The following UNK variants were observed in gnomAD, a reference collection of about 807,000 sequenced individuals.
UNK encodes unk zinc finger.
UNK carries 32 observed loss-of-function variants against 97.6 expected under a neutral mutation model. The ratio of observed to expected loss-of-function variants is 0.33; its 90% CI spans 0.25 to 0.44. UNK has a LOEUF of 0.44. UNK is among the 20% of genes least tolerant of loss of function. The pLI, the probability that UNK is intolerant of heterozygous loss-of-function variation, is 1.00. For synonymous variants in UNK, 441 were observed against 461.2 expected (o/e 0.96, Z 0.56); for missense variants, 771 against 1,098.4 (o/e 0.70, Z 4.21).
rs1255963739 is a variant in UNK, at chr17:75,812,598, A to C, written c.622+13A>C. 3 of 1,611,388 alleles carry C rather than the reference A, an allele frequency of 1.9e-6. No individual in the cohort carries two copies. The highest frequency in any genetic ancestry group is 8.5e-7 in the Non-Finnish European group (1 of 1,179,032). On this transcript the variant is annotated intron_variant, in intron 4 of 15. Transcript: ENST00000589666. Reference sequence around the variant, plus strand: ...CCTCGGTGGCAAGGTACAGGCATCCACACCTCGGCCGCGCCCTCCCTATAA... The same window carrying C: ...CCTCGGTGGCAAGGTACAGGCATCCCCACCTCGGCCGCGCCCTCCCTATAA...
chr17:75,812,659 A>G (rs1196707591), intron 4 of UNK, 74 bp downstream of exon 4: 3 of 1,550,324 alleles, frequency 1.9e-6, no homozygotes, highest in African/African-American at 2.7e-5. Context: ...TTGGCTCACC[A>G]CCACCTACTG....
intron 1 of UNK, among the ~76,000 whole-genome samples, chr17:75,790,402 A>G (rs757623817): frequency 6.6e-6 from 1 of 152,126 alleles, no homozygotes; most frequent in Non-Finnish European, 1.5e-5. Context: ...AAGCTGAGGC[A>G]GGAGGATCAC....
At position 75,824,093 on chromosome 17, in the gene UNK, G is replaced by A. The variant is rs2062095749; in HGVS notation, c.2278-169G>A. Among the ~76,000 whole-genome samples the A allele has an allele frequency of 6.6e-6, 1 of 152,020 alleles. No homozygotes were observed. Among genetic ancestry groups the A allele is most frequent in the Admixed American group, 6.5e-5 (1 of 15,278 alleles). ...CAGCCTGGCCATGCCCCATGCAGAGGTGGACTCAGCCTGCTCTCTCACCTG... is the reference window on the plus strand; with the variant it reads ...CAGCCTGGCCATGCCCCATGCAGAGATGGACTCAGCCTGCTCTCTCACCTG... On this transcript the variant is annotated intron_variant, in intron 15 of 15. Coordinates refer to ENST00000589666, the MANE Select transcript of UNK (RefSeq NM_001080419.3). This position sits in a 1 kb window ranked among gnomAD's most constrained non-coding sequence, Gnocchi z 4.9.
chr17:75,823,493 C>A lies in UNK; in HGVS notation c.2248C>A (p.Leu750Met). The A allele has an allele frequency of 6.4e-7, 1 of 1,567,370 alleles. No individual in the cohort carries two copies. The highest frequency in any genetic ancestry group is 8.7e-7 in the Non-Finnish European group (1 of 1,150,740). Residue 750 changes from leucine (L) to methionine (M), a missense_variant, in exon 15 of 16, where the codon CTG (leucine) becomes ATG (methionine). Transcript: ENST00000589666. The part of the protein sequence containing the change: ...LSTLYSLQKQ[L>M]RAHLEQVDKA... ...CACCCTCTACTCCCTCCAGAAACAACTGCGGGCCCACCTGGAACAAGTGGA... is the reference window on the plus strand; with the variant it reads ...CACCCTCTACTCCCTCCAGAAACAAATGCGGGCCCACCTGGAACAAGTGGA...
chr17:75,785,023 C>T, intron 1 of UNK, 39 bp downstream of exon 1: 4 of 1,368,332 alleles, frequency 2.9e-6, no homozygotes, highest in South Asian at 1.5e-5. Context: ...GCGCGCACGC[C>T]TGACGTCAGC....
rs571961748 is a variant in UNK, at chr17:75,819,135, C to T, written c.1546+319C>T. 69 of 300,882 alleles carry T rather than the reference C, an allele frequency of 2.3e-4. No individual in the cohort carries two copies. The highest frequency in any genetic ancestry group is 1.3e-3 in the African/African-American group (59 of 46,034). The allele number at this position is 300,882 out of a possible 1,614,324, so 18.6% of individuals were successfully genotyped here. On this transcript the variant is annotated intron_variant, in intron 11 of 15. Transcript: ENST00000589666. The surrounding 1 kb of genome is among the most constrained non-coding windows in gnomAD (Gnocchi z 5.4). ...GTCCTTGTGTAGTGAATGGCCAGCA[C>T]GACGTTCTCAGAATCCCTGGTGCTA...
Position 75,813,164 on chromosome 17 carries a change from T to C in UNK, c.709T>C (p.Tyr237His). Residue 237 changes from tyrosine to histidine, a missense_variant, in exon 5 of 16, where the codon TAC (tyrosine) becomes CAC (histidine). Physicochemically the swap from Tyr to His is moderately conservative, Grantham distance 83. Coordinates refer to ENST00000589666, the MANE Select transcript of UNK (RefSeq NM_001080419.3). ...LCRQGYACPY[Y>H]HNSKDRRRSP... Reference sequence around the variant, plus strand: ...CCGCCAAGGCTATGCCTGTCCCTACTACCACAACAGCAAGGACCGGCGGCG... The same window carrying C: ...CCGCCAAGGCTATGCCTGTCCCTACCACCACAACAGCAAGGACCGGCGGCG... 1 of 1,593,486 alleles carries C rather than the reference T, an allele frequency of 6.3e-7. No homozygotes were observed. The highest frequency in any genetic ancestry group is 1.3e-5 in the African/African-American group (1 of 74,670).
intron 1 of UNK, 107 bp from the exon 2 acceptor site, chr17:75,809,653 C>A: frequency 8.4e-7 from 1 of 1,194,586 alleles, no homozygotes; most frequent in Non-Finnish European, 1.2e-6. Context: ...GTGGAACTAG[C>A]ACCCCAGAGC....
intron 1 of UNK, among the ~76,000 whole-genome samples, chr17:75,799,477 CAGG>C (rs2061836743): frequency 1.3e-5 from 2 of 152,160 alleles, no homozygotes; most frequent in South Asian, 4.1e-4. Flanking sequence ...AGTTAATTGC[CAGG>C]AGATGTATCT....
At chr17:75,788,022 G>T (rs978408063) in intron 1 of UNK, among the ~76,000 whole-genome samples, 1 of 151,916 alleles carries the variant, frequency 6.6e-6, no homozygotes, top group African/African-American at 2.4e-5. Flanking sequence ...TTTTGATTTT[G>T]ATTTTAAATG....
chr17:75,788,458 G>A (rs936125566), intron 1 of UNK, among the ~76,000 whole-genome samples: 7 of 152,096 alleles, frequency 4.6e-5, no homozygotes, highest in African/African-American at 1.4e-4. Flanking sequence ...GATTACAGGC[G>A]TGAGCCACTG....
rs369187141 is a variant in UNK at position 75,824,265 on chromosome 17, G to A, written c.2281G>A (p.Val761Met). 79 of 1,594,080 alleles carry A rather than the reference G, an allele frequency of 5.0e-5. 1 individual carries two copies. In the South Asian group the frequency reaches 6.9e-4, roughly 14 times the overall value. ...CACGATGCCCCTTTCCCTGCAGGCC[G>A]TGTTCCACATGCAGTCGGTGAAATG... is the stretch of plus-strand genomic sequence containing the variant. ...RAHLEQVDKA[V>M]FHMQSVKCLK... The change falls in exon 16 of 16, where the codon GTG (valine) becomes ATG (methionine). Residue 761 changes from valine (V) to methionine (M), a missense_variant. This residue lies in a region of UNK where 208 missense variants were observed against 257.4 expected (regional missense o/e 0.81). Transcript: ENST00000589666. The surrounding 1 kb of genome is among the most constrained non-coding windows in gnomAD (Gnocchi z 4.9).
At chr17:75,807,877 C>T (rs1256797411) in intron 1 of UNK, among the ~76,000 whole-genome samples, 1 of 152,186 alleles carries the variant, frequency 6.6e-6, no homozygotes, top group African/African-American at 2.4e-5. Context: ...GCATGAGCCA[C>T]CGTGCCTGAC....
chr17:75,800,371 T>C (rs972856752), intron 1 of UNK, among the ~76,000 whole-genome samples: 22 of 150,182 alleles, frequency 1.5e-4, no homozygotes, highest in Non-Finnish European at 2.2e-4. Context: ...GTGCCCTCCC[T>C]TCACATTTTT....
intron 1 of UNK, chr17:75,785,925 G>A (rs2061706178): frequency 1.3e-5 from 2 of 152,048 alleles, no homozygotes; most frequent in Non-Finnish European, 2.9e-5. Context: ...GCTGCGAGAG[G>A]TTTTGGAACC....
At chr17:75,811,030 G>A (rs1302391872) in intron 2 of UNK, among the ~76,000 whole-genome samples, 3 of 151,918 alleles carry the variant, frequency 2.0e-5, no homozygotes, top group Non-Finnish European at 2.9e-5. Context: ...TCGGCTCACT[G>A]CAACCTCCAC....
intron 1 of UNK, 144 bp from the exon 2 acceptor site, chr17:75,809,616 C>T (rs1474020232): frequency 8.3e-6 from 7 of 842,904 alleles, no homozygotes; most frequent in East Asian, 2.7e-5. Flanking sequence ...TGTAGCCTTA[C>T]AGCTCTGGGT....
At chr17:75,792,254 G>A in intron 1 of UNK, 1 of 974,284 alleles carries the variant, frequency 1.0e-6, no homozygotes, top group Non-Finnish European at 1.2e-6. Context: ...TCCCACACTG[G>A]GCAATATTTG....
At chr17:75,805,810 A>ATGTG (rs61000364) in intron 1 of UNK, among the ~76,000 whole-genome samples, 13,233 of 145,270 alleles carry the variant, frequency 0.091, 808 homozygotes, top group African/African-American at 0.18. Flanking sequence ...AAAAAGAAAA[A>ATGTG]TGTGTGTGTG....
Sources: gnomAD v4.1 joint callset for allele counts (sites outside exome capture counted in the v4.1 genomes callset) on GRCh38, gnomAD v4.1.1 for gene constraint, gnomAD v4.1.1 regional missense constraint, Gnocchi (gnomAD v3.1) non-coding constraint, MANE v1.5 for transcripts, NCBI Gene and HGNC (gene_info 2026-07-23, HGNC 2026-07-21) for gene names.